TENM3: variants seen among roughly 807,000 people sequenced by gnomAD.
The protein encoded by TENM3 is teneurin transmembrane protein 3.
In TENM3, 63 loss-of-function variants were observed where a neutral mutation model predicts 255.1. The observed-to-expected ratio is 0.25, with a 90% CI of 0.20 to 0.30. The LOEUF (loss-of-function observed/expected upper bound fraction) is 0.30. Among genes scored for constraint, TENM3 ranks in the 10% least tolerant of loss-of-function variants. The pLI is 1.00. For synonymous variants in TENM3, 1,306 were observed against 1,322.3 expected, an observed-to-expected ratio of 0.99 and a Z score of 0.27; for missense variants, 2,929 against 3,461.1, an observed-to-expected ratio of 0.85 and a Z score of 3.86.
At chr4:182,794,004 C>T in intron 26 of TENM3, 119 bp downstream of exon 26, 1 of 845,576 alleles carries the variant, frequency 1.2e-6, no homozygotes, top group East Asian at 2.7e-5. Context: ...AGGCAAATGG[C>T]TAACCTTTTA....
chr4:182,502,373 T>C (rs180707883), intron 3 of TENM3, among the ~76,000 whole-genome samples: 3 of 152,256 alleles, frequency 2.0e-5, no homozygotes. Context: ...TGGTAAATTT[T>C]CTTAGAGTAT....
chr4:182,283,245 T>C (rs1311813245), intron 1 of TENM3, among the ~76,000 whole-genome samples: 3 of 152,230 alleles, frequency 2.0e-5, no homozygotes, highest in African/African-American at 7.2e-5. Context: ...ATAAACCATA[T>C]CTATTTCATA....
intron 6 of TENM3, among the ~76,000 whole-genome samples, chr4:182,657,778 C>T (rs1239963896): frequency 2.0e-5 from 3 of 152,176 alleles, no homozygotes; most frequent in African/African-American, 7.2e-5. Context: ...CCCACCTCAG[C>T]CTCCCGAGTA....
chr4:182,182,256 C>T (rs1252370419), intron 1 of TENM3, among the ~76,000 whole-genome samples: 1 of 152,092 alleles, frequency 6.6e-6, no homozygotes, highest in Non-Finnish European at 1.5e-5. Flanking sequence ...TTCTATGATG[C>T]CAATAGAATT....
At chr4:181,803,948 A>G in the TENM3 span, among the ~76,000 whole-genome samples, 2 of 142,526 alleles carry the variant, frequency 1.4e-5, no homozygotes, top group East Asian at 4.1e-4. Flanking sequence ...ACAAAAAAAA[A>G]AAAAAGAAAG....
the TENM3 span, among the ~76,000 whole-genome samples, chr4:181,725,614 A>G: frequency 6.7e-6 from 1 of 149,262 alleles, no homozygotes; most frequent in Non-Finnish European, 1.5e-5. Flanking sequence ...ATTTTTTTGT[A>G]TTTTTTTTTA....
At chr4:182,262,237 A>C (rs2150166386) in intron 1 of TENM3, among the ~76,000 whole-genome samples, 1 of 152,350 alleles carries the variant, frequency 6.6e-6, no homozygotes, top group Admixed American at 6.5e-5. Context: ...AGCAAATTTT[A>C]TTAAAATGTC....
chr4:181,749,188 G>A, the TENM3 span, among the ~76,000 whole-genome samples: 1 of 151,968 alleles, frequency 6.6e-6, no homozygotes, highest in South Asian at 2.1e-4. Flanking sequence ...GGTGGGAACT[G>A]TTTTGAGAAA....
the TENM3 span, among the ~76,000 whole-genome samples, chr4:182,033,018 G>T: frequency 6.7e-6 from 1 of 148,560 alleles, no homozygotes; most frequent in East Asian, 2.0e-4. Context: ...ATTTTTGAAG[G>T]TTTTTTTTTG....
the TENM3 span, among the ~76,000 whole-genome samples, chr4:182,107,026 T>A: frequency 2.6e-5 from 4 of 152,170 alleles, no homozygotes; most frequent in Non-Finnish European, 5.9e-5. Context: ...CCACTCCATC[T>A]AGTTTGTACT....
intron 24 of TENM3, among the ~76,000 whole-genome samples, chr4:182,779,428 T>C (rs1170530011): frequency 6.6e-6 from 1 of 152,178 alleles, no homozygotes; most frequent in Non-Finnish European, 1.5e-5. Context: ...ATGGTGTATA[T>C]GTGCCACATT....
chr4:182,257,565 A>G (rs1275354833), intron 1 of TENM3, among the ~76,000 whole-genome samples: 3 of 152,198 alleles, frequency 2.0e-5, no homozygotes, highest in Admixed American at 1.3e-4. Context: ...GACTTGGTAT[A>G]TTATGTATCA....
chr4:182,520,377 G>A (rs996180273), intron 3 of TENM3, among the ~76,000 whole-genome samples: 7 of 152,106 alleles, frequency 4.6e-5, no homozygotes, highest in African/African-American at 1.7e-4. Context: ...TCCACCAGAG[G>A]CAAATAGAAT....
chr4:181,663,549 A>G, the TENM3 span, among the ~76,000 whole-genome samples: 1 of 152,236 alleles, frequency 6.6e-6, no homozygotes. Flanking sequence ...AGAATTTAAC[A>G]TTCTAAATGA....
At chr4:181,470,120 A>AAAAAAGAAC in the TENM3 span, among the ~76,000 whole-genome samples, 5 of 21,316 alleles carry the variant, frequency 2.3e-4, no homozygotes, top group Non-Finnish European at 8.3e-4. Flanking sequence ...AAAAAAAAAA[A>AAAAAAGAAC]AAAAACATTA....
intron 3 of TENM3, among the ~76,000 whole-genome samples, chr4:182,482,947 A>G (rs1399262457): frequency 1.3e-5 from 2 of 152,182 alleles, no homozygotes; most frequent in Non-Finnish European, 2.9e-5. Context: ...TTAGCTCTCT[A>G]CATGTCATAT....
At chr4:182,609,134 G>T (rs1429883827) in intron 4 of TENM3, among the ~76,000 whole-genome samples, 1 of 152,200 alleles carries the variant, frequency 6.6e-6, no homozygotes, top group Non-Finnish European at 1.5e-5. Context: ...ACTCCATGAT[G>T]GAAACGTGCA....
chr4:182,356,694 T>A lies in TENM3; in HGVS notation c.511+9765T>A, dbSNP rs188263287. Among the ~76,000 whole-genome samples the A allele has an allele frequency of 3.5e-3, 530 of 152,066 alleles. 7 individuals are homozygous for A. The highest frequency in any genetic ancestry group is 0.023 in the Admixed American group (347 of 15,276). On this transcript the variant is annotated intron_variant, in intron 3 of 27. Transcript: ENST00000511685. Reference sequence around the variant, plus strand: ...TGCGAGTCCCTGAAAACTTTTTTTTTAAATATATTTTTAAAATTATTATTT... The same window carrying A: ...TGCGAGTCCCTGAAAACTTTTTTTTAAAATATATTTTTAAAATTATTATTT...
At chr4:182,088,996 T>C in the TENM3 span, among the ~76,000 whole-genome samples, 1 of 152,194 alleles carries the variant, frequency 6.6e-6, no homozygotes, top group Non-Finnish European at 1.5e-5. Context: ...GGCGGAGCTC[T>C]TAATGAATGG....
Sources: allele counts gnomAD v4.1 joint callset (sites outside exome capture counted in the v4.1 genomes callset), GRCh38; gene constraint gnomAD v4.1.1; transcripts MANE v1.5; gene names NCBI Gene and HGNC (gene_info 2026-07-23, HGNC 2026-07-21).